RNF19A: variants seen among roughly 807,000 people sequenced by gnomAD.
The protein encoded by RNF19A is E3 ubiquitin-protein ligase RNF19A.
RNF19A carries 32 observed loss-of-function variants against 75.7 expected under a neutral mutation model. The observed-to-expected ratio is 0.42, with a 90% CI of 0.32 to 0.57. RNF19A has a LOEUF of 0.57. RNF19A is among the 20% of genes least tolerant of loss of function. RNF19A has a pLI of 0.10. For missense variants in RNF19A, 782 were observed against 1,036.3 expected (o/e 0.75, Z 3.37); for synonymous variants, 335 against 345.2 (o/e 0.97, Z 0.33).
Position 100,291,968 on chromosome 8 carries a change from T to G in RNF19A, c.-93-3701A>C, listed in dbSNP as rs987970025. The stretch of plus-strand genomic sequence containing the variant: ...TGTTGAACAGAAAGAGGACTAAGTC[T>G]TTTTTTTTTTTTTTTTTTTTTCAAG... On this transcript the variant is annotated intron_variant, in intron 1 of 9. Transcript: ENST00000341084. Among the ~76,000 whole-genome samples, 7 of 17,470 alleles carry G rather than the reference T, an allele frequency of 4.0e-4. No homozygotes were observed. In the African/African-American group the frequency reaches 0.01, roughly 25 times the overall value. 11.5% of individuals were successfully genotyped at this position (17,470 alleles called of 152,430 possible).
intron 1 of RNF19A, among the ~76,000 whole-genome samples, chr8:100,302,238 T>A (rs532622386): frequency 1.3e-5 from 2 of 152,318 alleles, no homozygotes; most frequent in East Asian, 3.9e-4. Flanking sequence ...TTAAGGATGG[T>A]AGCACAGAGA....
In RNF19A at chr8:100,317,299, G is replaced by A. The variant is rs923432506; in HGVS notation, c.-242-3927C>T. On this transcript the variant is annotated intron_variant, in intron 1 of 3. Transcript: ENST00000519527. The surrounding 1 kb of genome is among the most constrained non-coding windows in gnomAD (Gnocchi z 4.3). ...AAGTGGGAGCCCAGGCAGAGGAGGT[G>A]CCGAGAGCAAGCGAGGGCTCTGAGG... is the stretch of plus-strand genomic sequence containing the variant. Among the ~76,000 whole-genome samples, 4 of 152,248 alleles carry A rather than the reference G, an allele frequency of 2.6e-5. No homozygotes were observed. Among genetic ancestry groups the A allele is most frequent in the Admixed American group, 2.6e-4 (4 of 15,290 alleles).
At chr8:100,281,016 T>C (rs1820757872) in intron 2 of RNF19A, among the ~76,000 whole-genome samples, 1 of 152,204 alleles carries the variant, frequency 6.6e-6, no homozygotes. Flanking sequence ...TAGAAGGTCA[T>C]GGAAATAACT....
At chr8:100,273,702 T>C (rs993158466) in intron 3 of RNF19A, among the ~76,000 whole-genome samples, 7 of 152,212 alleles carry the variant, frequency 4.6e-5, no homozygotes, top group Non-Finnish European at 1.0e-4. Context: ...CTACCTCATA[T>C]AGCAAAAGCA....
At chr8:100,263,359 C>A (rs1819816465) in intron 7 of RNF19A, among the ~76,000 whole-genome samples, 1 of 152,108 alleles carries the variant, frequency 6.6e-6, no homozygotes, top group Non-Finnish European at 1.5e-5. Flanking sequence ...CAAGACCTGA[C>A]CACTGTATTA....
intron 2 of RNF19A, among the ~76,000 whole-genome samples, chr8:100,280,573 C>T (rs573540704): frequency 2.0e-5 from 3 of 152,172 alleles, no homozygotes; most frequent in East Asian, 3.9e-4. Context: ...ATACAAATTC[C>T]GAAGAAAAAC....
rs1176140039 is a variant in RNF19A, at chr8:100,275,975, G to GT, written c.675-815dup. ...TCCTGCCAAAAAATAAAAAAAAACT[G>GT]TTTTTTTTTCCTTCGGATTAAAGAC... On this transcript the variant is annotated intron_variant, in intron 2 of 9. Transcript: ENST00000341084. The surrounding 1 kb of genome is among the most constrained non-coding windows in gnomAD (Gnocchi z 4.3). Among the ~76,000 whole-genome samples the GT allele has an allele frequency of 9.3e-5, 14 of 149,780 alleles. No homozygotes were observed. Among genetic ancestry groups the GT allele is most frequent in the East Asian group, 1.9e-4 (1 of 5,130 alleles).
In RNF19A at chr8:100,333,823, A is replaced by G. The variant is rs1465262737; in HGVS notation, c.-243+2285T>C. 6.6e-6 allele frequency among the ~76,000 whole-genome samples: 1 copy of G among 152,226 alleles called. No individual in the cohort carries two copies. The highest frequency in any genetic ancestry group is 1.9e-4 in the East Asian group (1 of 5,200). On this transcript the variant is annotated intron_variant, in intron 1 of 3. Transcript: ENST00000519527. The surrounding 1 kb of genome is among the most constrained non-coding windows in gnomAD (Gnocchi z 4.7). ...ATAGAGTGACACCCTGTCTGTAAAC[A>G]ATAACAACAAAAACCGAAAACACAT... is the stretch of plus-strand genomic sequence containing the variant.
intron 1 of RNF19A, among the ~76,000 whole-genome samples, chr8:100,318,853 G>A (rs1822423059): frequency 6.6e-6 from 1 of 152,214 alleles, no homozygotes; most frequent in African/African-American, 2.4e-5. Context: ...AAAGGGAGAG[G>A]AAGAATGGTG....
chr8:100,327,248 T>TTTC (rs1274706004), intron 1 of RNF19A, among the ~76,000 whole-genome samples: 2 of 132,310 alleles, frequency 1.5e-5, no homozygotes, highest in African/African-American at 6.0e-5. Flanking sequence ...ATTACTTCTT[T>TTTC]TTTTTTTTTT....
rs565098544 is a variant in RNF19A at position 100,284,137 on chromosome 8, A to G, written c.674+3364T>C. On this transcript the variant is annotated intron_variant, in intron 2 of 9. Transcript: ENST00000341084. The surrounding 1 kb of genome is among the most constrained non-coding windows in gnomAD (Gnocchi z 4.3). The stretch of plus-strand genomic sequence containing the variant: ...AGATGAAGAATAATAAGTAAGAGCA[A>G]TGACAAGCTTACTGTGTGCTAGGAA... Among the ~76,000 whole-genome samples, 4 of 152,288 alleles carry G rather than the reference A, an allele frequency of 2.6e-5. No individual in the cohort carries two copies. The highest frequency in any genetic ancestry group is 9.6e-5 in the African/African-American group (4 of 41,570).
intron 1 of RNF19A, among the ~76,000 whole-genome samples, chr8:100,319,710 A>T (rs1214226186): frequency 6.6e-6 from 1 of 151,730 alleles, no homozygotes; most frequent in Non-Finnish European, 1.5e-5. Context: ...TTGTATTTTT[A>T]GTAGAGATGA....
In RNF19A at chr8:100,257,204, T is replaced by G. The variant is rs150686515; in HGVS notation, c.*1352A>C. On this transcript the variant is annotated 3_prime_UTR_variant, in exon 10 of 10. Coordinates refer to ENST00000341084, the MANE Select transcript of RNF19A (RefSeq NM_183419.4). Reference sequence around the variant, plus strand: ...GGCACTAGTGTTATAAGCATATTAATGGACCTGGTAGGGAAAAGTGATGGA... The same window carrying G: ...GGCACTAGTGTTATAAGCATATTAAGGGACCTGGTAGGGAAAAGTGATGGA... 1 of 152,740 alleles carries G rather than the reference T, an allele frequency of 6.5e-6. No individual in the cohort carries two copies. The highest frequency in any genetic ancestry group is 1.9e-4 in the East Asian group (1 of 5,184). 9.5% of individuals were successfully genotyped at this position (152,740 alleles called of 1,614,324 possible). A position where few individuals can be genotyped will look rare whatever the true frequency, so the allele number is the denominator to read the frequency against.
chr8:100,308,610 C>T (rs1218127103), intron 1 of RNF19A, among the ~76,000 whole-genome samples: 2 of 151,594 alleles, frequency 1.3e-5, no homozygotes, highest in Non-Finnish European at 2.9e-5. Flanking sequence ...AACCGTCAGA[C>T]TTCAAACAAC....
Position 100,287,394 on chromosome 8 carries a change from T to C in RNF19A, c.674+107A>G. 1.0e-6 allele frequency: 1 copy of C among 980,392 alleles called. No individual in the cohort carries two copies. The highest frequency in any genetic ancestry group is 1.5e-6 in the Non-Finnish European group (1 of 667,204). The allele number at this position is 980,392 out of a possible 1,614,324, so 60.7% of individuals were successfully genotyped here. On this transcript the variant is annotated intron_variant, in intron 2 of 9. Transcript: ENST00000341084. The surrounding 1 kb of genome is among the most constrained non-coding windows in gnomAD (Gnocchi z 4.1). ...TATGGTGTGCACTCAACATGTCTGT[T>C]GAATGAATTCTCCAGCATGTAAAAA... is the stretch of plus-strand genomic sequence containing the variant.
At chr8:100,288,809 C>A (rs1295916733) in intron 1 of RNF19A, among the ~76,000 whole-genome samples, 2 of 152,010 alleles carry the variant, frequency 1.3e-5, no homozygotes, top group Non-Finnish European at 2.9e-5. Context: ...GCCTGTAATC[C>A]CAGCACTTTG....
chr8:100,310,000 G>C (rs1822239773), upstream of RNF19A: 6 of 985,654 alleles, frequency 6.1e-6, no homozygotes, highest in Non-Finnish European at 6.0e-6. Context: ...AACCGGGGCG[G>C]AGACGACGGA....
Position 100,275,236 on chromosome 8 carries a change from A to G in RNF19A, c.675-75T>C, listed in dbSNP as rs958558209. The stretch of plus-strand genomic sequence containing the variant: ...ACTCATTTCAAAAAGTATCCAACTA[A>G]AGATTATTCCTGAAAAACATTTTCT... On this transcript the variant is annotated intron_variant, in intron 2 of 9. Coordinates refer to ENST00000341084, the MANE Select transcript of RNF19A (RefSeq NM_183419.4). This position sits in a 1 kb window ranked among gnomAD's most constrained non-coding sequence, Gnocchi z 4.3. 4 of 1,288,360 alleles carry G rather than the reference A, an allele frequency of 3.1e-6. No homozygotes were observed. Among genetic ancestry groups the G allele is most frequent in the Non-Finnish European group, 3.3e-6 (3 of 902,242 alleles). 79.8% of individuals were successfully genotyped at this position (1,288,360 alleles called of 1,614,324 possible).
Position 100,275,550 on chromosome 8 carries a change from CT to C in RNF19A, c.675-390del, listed in dbSNP as rs1167391672. Among the ~76,000 whole-genome samples the C allele has an allele frequency of 1.3e-5, 2 of 151,758 alleles. No individual in the cohort carries two copies. The highest frequency in any genetic ancestry group is 2.9e-5 in the Non-Finnish European group (2 of 67,974). On this transcript the variant is annotated intron_variant, in intron 2 of 9. Coordinates refer to ENST00000341084, the MANE Select transcript of RNF19A (RefSeq NM_183419.4). This position sits in a 1 kb window ranked among gnomAD's most constrained non-coding sequence, Gnocchi z 4.3. Reference sequence around the variant, plus strand: ...ACAGGCAGTTTTTCAACTCTCGCCCCTCTCCCTCAACTTTTAAGTAGGATAC... The same window carrying C: ...ACAGGCAGTTTTTCAACTCTCGCCCCCTCCCTCAACTTTTAAGTAGGATAC...
Sources: gnomAD v4.1 joint callset for allele counts (sites outside exome capture counted in the v4.1 genomes callset) on GRCh38, gnomAD v4.1.1 for gene constraint, Gnocchi (gnomAD v3.1) non-coding constraint, MANE v1.5 for transcripts, NCBI Gene and HGNC (gene_info 2026-07-23, HGNC 2026-07-21) for gene names.